Variants in CEP44 observed in about 807,000 individuals in gnomAD.
The protein encoded by CEP44 is centrosomal protein of 44 kDa.
In CEP44, 45 loss-of-function variants were observed where a neutral mutation model predicts 46.7. The ratio of observed to expected loss-of-function variants is 0.96; its 90% CI spans 0.76 to 1.24. The LOEUF is 1.24. CEP44 is among the 50% of genes most tolerant of loss of function. CEP44 has a pLI of 0.00. For missense variants in CEP44, 475 were observed against 459.7 expected (o/e 1.03, Z -0.30); for synonymous variants, 142 against 146.0 (o/e 0.97, Z 0.20).
Position 174,319,907 on chromosome 4 carries a change from T to C in CEP44, c.*2524T>C, listed in dbSNP as rs1369929407. ...CAATTTGGTAAGTGGTTTCTAGTTA[T>C]AAACTAGCCACTGTTGATTAACTTG... On this transcript the variant is annotated 3_prime_UTR_variant, in exon 12 of 12. Coordinates refer to ENST00000503780, the MANE Select transcript of CEP44 (RefSeq NM_001040157.3). The C allele has an allele frequency of 5.1e-6, 5 of 984,794 alleles. No homozygotes were observed. In the African/African-American group the frequency reaches 7.0e-5, roughly 14 times the overall value. The allele number at this position is 984,794 out of a possible 1,614,324, so 61.0% of individuals were successfully genotyped here. A position where few individuals can be genotyped will look rare whatever the true frequency, so the allele number is the denominator to read the frequency against.
chr4:174,307,460 C>T (rs1344782789), intron 6 of CEP44, among the ~76,000 whole-genome samples: 4 of 152,140 alleles, frequency 2.6e-5, no homozygotes, highest in African/African-American at 9.7e-5. Context: ...CAAAAATCAA[C>T]TCAAGATGGA....
chr4:174,322,935 G>T (rs931470615), downstream of CEP44, among the ~76,000 whole-genome samples: 1 of 151,948 alleles, frequency 6.6e-6, no homozygotes, highest in Non-Finnish European at 1.5e-5. Flanking sequence ...TGATATTTTT[G>T]AGCCTAAATG....
Position 174,301,950 on chromosome 4 carries a change from A to G in CEP44, c.90-89A>G, listed in dbSNP as rs1028221528. ...AGTGTTAAGTTTTAAATTATTATAA[A>G]CATTTCTAATATTTTCTTGATTATC... On this transcript the variant is annotated intron_variant, in intron 3 of 11. Transcript: ENST00000503780. The surrounding 1 kb of genome is among the most constrained non-coding windows in gnomAD (Gnocchi z 4.3). 3.2e-5 allele frequency: 36 copies of G among 1,137,160 alleles called. No homozygotes were observed. Among genetic ancestry groups the G allele is most frequent in the Non-Finnish European group, 4.3e-5 (35 of 813,918 alleles). The allele number at this position is 1,137,160 out of a possible 1,614,324, so 70.4% of individuals were successfully genotyped here. A position where few individuals can be genotyped will look rare whatever the true frequency, so the allele number is the denominator to read the frequency against.
chr4:174,331,790 T>C lies in CEP44; in HGVS notation c.*195T>C. On this transcript the variant is annotated 3_prime_UTR_variant, in exon 9 of 9. Transcript: ENST00000426172. The surrounding 1 kb of genome is among the most constrained non-coding windows in gnomAD (Gnocchi z 4.5). Reference sequence around the variant, plus strand: ...AACACTTAGTTGTTTGTCTAATTTCTATTTTCCAGAAATTTCTCAAAATGT... The same window carrying C: ...AACACTTAGTTGTTTGTCTAATTTCCATTTTCCAGAAATTTCTCAAAATGT... The C allele has an allele frequency of 1.6e-6, 1 of 631,064 alleles. No homozygotes were observed. The highest frequency in any genetic ancestry group is 2.4e-6 in the Non-Finnish European group (1 of 421,502). 39.1% of individuals were successfully genotyped at this position (631,064 alleles called of 1,614,324 possible). A position where few individuals can be genotyped will look rare whatever the true frequency, so the allele number is the denominator to read the frequency against.
chr4:174,317,621 T>A lies in CEP44; in HGVS notation c.*238T>A. On this transcript the variant is annotated 3_prime_UTR_variant, in exon 12 of 12. Transcript: ENST00000503780. ...TTTTTAGGAAAAACTCATGTTCCAG[T>A]ATATTTCTCTTACAGAGTGAAGTCA... 4.7e-6 allele frequency: 5 copies of A among 1,068,334 alleles called. No homozygotes were observed. The highest frequency in any genetic ancestry group is 5.7e-6 in the Non-Finnish European group (5 of 880,926). The allele number at this position is 1,068,334 out of a possible 1,614,324, so 66.2% of individuals were successfully genotyped here. A position where few individuals can be genotyped will look rare whatever the true frequency, so the allele number is the denominator to read the frequency against.
Position 174,319,303 on chromosome 4 carries a change from G to GA in CEP44, c.*1926dup. 1.0e-6 allele frequency: 1 copy of GA among 979,124 alleles called. No individual in the cohort carries two copies. Among genetic ancestry groups the GA allele is most frequent in the Non-Finnish European group, 1.2e-6 (1 of 824,276 alleles). 60.7% of individuals were successfully genotyped at this position (979,124 alleles called of 1,614,324 possible). On this transcript the variant is annotated 3_prime_UTR_variant, in exon 12 of 12. Transcript: ENST00000503780. ...AGGTTAAGAGGTTATAGTTATAAGG[G>GA]AAAAAACTTCTGTATCGATTAACTC...
At position 174,298,535 on chromosome 4, in the gene CEP44, A is replaced by C. The variant is rs553749673; in HGVS notation, c.-51+473A>C. Among the ~76,000 whole-genome samples, 7 of 152,210 alleles carry C rather than the reference A, an allele frequency of 4.6e-5. No individual in the cohort carries two copies. In the South Asian group the frequency reaches 1.4e-3, roughly 32 times the overall value. On this transcript the variant is annotated intron_variant, in intron 2 of 11. Coordinates refer to ENST00000503780, the MANE Select transcript of CEP44 (RefSeq NM_001040157.3). Reference sequence around the variant, plus strand: ...TTTAGAAAATGGAAAGGAAGGTAACATGCATTTAATCTGTCATATTTATCC... The same window carrying C: ...TTTAGAAAATGGAAAGGAAGGTAACCTGCATTTAATCTGTCATATTTATCC...
rs1290109067 is a variant in CEP44, at chr4:174,309,721, G to A, written c.679-129G>A. ...GCCAAGTAGTCTCCATCCAGAGATA[G>A]CTCTCTTAACTCTCAAGCAGGACGG... On this transcript the variant is annotated intron_variant, in intron 7 of 11. Transcript: ENST00000503780. The surrounding 1 kb of genome is among the most constrained non-coding windows in gnomAD (Gnocchi z 5.3). 8.0e-6 allele frequency: 5 copies of A among 622,706 alleles called. No individual in the cohort carries two copies. The highest frequency in any genetic ancestry group is 4.6e-5 in the South Asian group (2 of 43,672). The allele number at this position is 622,706 out of a possible 1,614,324, so 38.6% of individuals were successfully genotyped here.
At chr4:174,285,157 C>G (rs1218389919) in intron 1 of CEP44, among the ~76,000 whole-genome samples, 1 of 152,208 alleles carries the variant, frequency 6.6e-6, no homozygotes, top group East Asian at 1.9e-4. Context: ...TGAGTGGTAT[C>G]TCCTTTTTTC....
intron 2 of CEP44, 146 bp downstream of exon 2, chr4:174,298,208 C>T (rs1194434699): frequency 2.4e-5 from 3 of 126,216 alleles, no homozygotes; most frequent in African/African-American, 9.3e-5. Context: ...CGGAGTCTCG[C>T]TCTGTCGCCC....
chr4:174,317,103 A>C lies in CEP44; in HGVS notation c.1125-232A>C, dbSNP rs190381485. ...GCCTACTACTATAGAAAATTATAAT[A>C]TTATTTAGAAATGCAAAAAGTACTT... On this transcript the variant is annotated intron_variant, in intron 11 of 11. Coordinates refer to ENST00000503780, the MANE Select transcript of CEP44 (RefSeq NM_001040157.3). Among the ~76,000 whole-genome samples the C allele has an allele frequency of 1.4e-4, 22 of 152,150 alleles. No homozygotes were observed. In the East Asian group the frequency reaches 3.7e-3, roughly 25 times the overall value.
In CEP44 at chr4:174,314,595, T is replaced by C. The variant is rs1280104223; in HGVS notation, c.962-1571T>C. 6.6e-6 allele frequency among the ~76,000 whole-genome samples: 1 copy of C among 152,186 alleles called. No homozygotes were observed. The stretch of plus-strand genomic sequence containing the variant: ...AATGGAAGACAAAGAGAGCCATTCC[T>C]TCACCCTTTATCTGTCTTCCCGGAC... On this transcript the variant is annotated intron_variant, in intron 9 of 11. Transcript: ENST00000503780. This position sits in a 1 kb window ranked among gnomAD's most constrained non-coding sequence, Gnocchi z 4.1.
rs140879831 is a variant in CEP44 at position 174,311,366 on chromosome 4, G to T, written c.961+508G>T. ...TACTAGGCTACTGATATTTTGCTTA[G>T]TGTGACTGAGCAGCAAGGGTAAGAT... is the stretch of plus-strand genomic sequence containing the variant. On this transcript the variant is annotated intron_variant, in intron 9 of 11. Coordinates refer to ENST00000503780, the MANE Select transcript of CEP44 (RefSeq NM_001040157.3). This position sits in a 1 kb window ranked among gnomAD's most constrained non-coding sequence, Gnocchi z 4.4. Among the ~76,000 whole-genome samples the T allele has an allele frequency of 4.4e-4, 67 of 152,140 alleles. No homozygotes were observed. The East Asian group carries it at 9.5e-3, about 21-fold the overall frequency.
At chr4:174,308,082 A>T (rs1740638911) in intron 6 of CEP44, among the ~76,000 whole-genome samples, 1 of 152,160 alleles carries the variant, frequency 6.6e-6, no homozygotes, top group South Asian at 2.1e-4. Flanking sequence ...CATTTGACCC[A>T]GCAGTCCCGT....
chr4:174,308,750 C>T lies in CEP44; in HGVS notation c.569C>T (p.Thr190Ile). The T allele has an allele frequency of 6.2e-7, 1 of 1,613,222 alleles. No individual in the cohort carries two copies. Among genetic ancestry groups the T allele is most frequent in the East Asian group, 2.2e-5 (1 of 44,834 alleles). Reference sequence around the variant, plus strand: ...GATAATGTTGACATTTCTGAGGATACATTAAGTCCAATAACAGATGTTAAT... The same window carrying T: ...GATAATGTTGACATTTCTGAGGATATATTAAGTCCAATAACAGATGTTAAT... ...NEDNVDISED[T>I]LSPITDVNEA... is the part of the protein sequence containing the mutation. Residue 190 changes from threonine to isoleucine, a missense_variant, in exon 7 of 12, where the codon ACA becomes ATA. Thr to Ile is a moderately conservative substitution (Grantham distance 89, BLOSUM62 -1). Transcript: ENST00000503780.
chr4:174,315,826 G>T, intron 9 of CEP44, among the ~76,000 whole-genome samples: 1 of 132,636 alleles, frequency 7.5e-6, no homozygotes, highest in African/African-American at 2.9e-5. Flanking sequence ...GGGCGACAGA[G>T]CGAGACTCCG....
chr4:174,291,537 G>A (rs530813439), intron 1 of CEP44, among the ~76,000 whole-genome samples: 38 of 151,892 alleles, frequency 2.5e-4, no homozygotes, highest in Non-Finnish European at 4.0e-4. Flanking sequence ...TTATATACTA[G>A]TGTTCAATGA....
intron 1 of CEP44, among the ~76,000 whole-genome samples, chr4:174,295,409 T>G (rs1160866247): frequency 2.0e-5 from 3 of 149,306 alleles, no homozygotes; most frequent in Non-Finnish European, 3.0e-5. Flanking sequence ...GCAGAGACGC[T>G]CCTTACTTCC....
At chr4:174,304,396 ATTG>A (rs1560903150) in intron 6 of CEP44, 27 bp downstream of exon 6, 1 of 1,600,218 alleles carries the variant, frequency 6.2e-7, no homozygotes, top group Non-Finnish European at 8.5e-7. Context: ...AAAATATCAT[ATTG>A]TTTAAGAGTT....
Sources: gnomAD v4.1 joint callset for allele counts (sites outside exome capture counted in the v4.1 genomes callset) on GRCh38, gnomAD v4.1.1 for gene constraint, Gnocchi (gnomAD v3.1) non-coding constraint, MANE v1.5 for transcripts, NCBI Gene and HGNC (gene_info 2026-07-23, HGNC 2026-07-21) for gene names.